Variants in FSTL4 observed in about 807,000 individuals in gnomAD.
FSTL4 encodes the protein follistatin like 4, also known as follistatin-related protein 4.
A neutral mutation model predicts 78.2 loss-of-function variants in FSTL4; 28 were observed. The ratio of observed to expected loss-of-function variants is 0.36; its 90% CI spans 0.27 to 0.49. The LOEUF is 0.49. Ranked by LOEUF, FSTL4 falls within the 20% of genes least tolerant of loss-of-function variation. The pLI is 0.98. For synonymous variants in FSTL4, 422 were observed against 440.5 expected (o/e 0.96, Z 0.53); for missense variants, 922 against 1,084.9 (o/e 0.85, Z 2.11).
the FSTL4 span, among the ~76,000 whole-genome samples, chr5:133,632,203 A>G: frequency 2.6e-5 from 4 of 152,144 alleles, no homozygotes; most frequent in African/African-American, 9.7e-5. Context: ...CTAGTTTTAT[A>G]ATTTCACCAG....
the FSTL4 span, among the ~76,000 whole-genome samples, chr5:133,701,509 A>ACACACACACACACACACCC: frequency 7.5e-6 from 1 of 132,624 alleles, no homozygotes; most frequent in Non-Finnish European, 1.6e-5. Context: ...ACACACACAC[A>ACACACACACACACACACCC]CCCCACAGGC....
chr5:133,464,323 C>T (rs1757656607), intron 3 of FSTL4, among the ~76,000 whole-genome samples: 1 of 152,220 alleles, frequency 6.6e-6, no homozygotes, highest in South Asian at 2.1e-4. Context: ...AGAACAAAAT[C>T]ACTCTTCATT....
chr5:133,839,043 C>T, the FSTL4 span, among the ~76,000 whole-genome samples: 79 of 152,324 alleles, frequency 5.2e-4, no homozygotes, highest in Non-Finnish European at 9.7e-4. Context: ...ATCCCCTCTC[C>T]GATAACTCGG....
In FSTL4 at chr5:133,225,076, C is replaced by T. The variant is rs768928025; in HGVS notation, c.1312+74G>A. The T allele has an allele frequency of 3.2e-6, 5 of 1,557,864 alleles. No homozygotes were observed. The highest frequency in any genetic ancestry group is 4.4e-6 in the Non-Finnish European group (5 of 1,132,294). ...CATGGTTGGCAGCTGTGGCCCTGGT[C>T]AATTGGTGCCCTCCCTTGCCACCCA... On this transcript the variant is annotated intron_variant, in intron 10 of 15. Coordinates refer to ENST00000265342, the MANE Select transcript of FSTL4 (RefSeq NM_015082.2). The surrounding 1 kb of genome is among the most constrained non-coding windows in gnomAD (Gnocchi z 4.6).
chr5:133,247,862 A>T (rs1752088941), intron 7 of FSTL4: 1 of 152,428 alleles, frequency 6.6e-6, no homozygotes, highest in Non-Finnish European at 1.5e-5. Flanking sequence ...TAGAACCTCC[A>T]GAGTGGCCCC....
chr5:133,613,536 G>A (rs998627426), upstream of FSTL4, among the ~76,000 whole-genome samples: 4 of 152,222 alleles, frequency 2.6e-5, no homozygotes, highest in Non-Finnish European at 5.9e-5. Flanking sequence ...AGGCTGACCT[G>A]AAGAAAGAGA....
intron 3 of FSTL4, among the ~76,000 whole-genome samples, chr5:133,495,131 C>T (rs761052195): frequency 6.6e-6 from 1 of 152,232 alleles, no homozygotes; most frequent in Non-Finnish European, 1.5e-5. Context: ...GATCCACACA[C>T]ATGCTAGCCC....
the FSTL4 span, among the ~76,000 whole-genome samples, chr5:133,832,153 TC>T: frequency 3.9e-5 from 6 of 152,240 alleles, no homozygotes; most frequent in Non-Finnish European, 8.8e-5. Flanking sequence ...GGAAGCAGTG[TC>T]AGCCTTGCGA....
At chr5:133,590,486 T>A (rs902356035) in intron 2 of FSTL4, among the ~76,000 whole-genome samples, 1 of 152,224 alleles carries the variant, frequency 6.6e-6, no homozygotes, top group Non-Finnish European at 1.5e-5. Flanking sequence ...ACTATTTTGC[T>A]TGCTGGATTT....
At chr5:133,284,510 C>A (rs549341379) in intron 6 of FSTL4, among the ~76,000 whole-genome samples, 57 of 152,338 alleles carry the variant, frequency 3.7e-4, no homozygotes, top group Admixed American at 3.6e-3. Flanking sequence ...TGAGCAGTGC[C>A]TGCCCGGGCA....
At chr5:133,306,410 G>T (rs558705422) in intron 6 of FSTL4, among the ~76,000 whole-genome samples, 1 of 152,350 alleles carries the variant, frequency 6.6e-6, no homozygotes, top group Non-Finnish European at 1.5e-5. Context: ...TGGCCAGTTA[G>T]CGGCCCTCTG....
At chr5:133,664,489 G>A in the FSTL4 span, among the ~76,000 whole-genome samples, 37 of 152,184 alleles carry the variant, frequency 2.4e-4, no homozygotes, top group African/African-American at 8.7e-4. Context: ...TGAGTCAGAA[G>A]CAAAGCTCTG....
At chr5:133,739,292 T>TC in the FSTL4 span, among the ~76,000 whole-genome samples, 4 of 151,728 alleles carry the variant, frequency 2.6e-5, no homozygotes, top group East Asian at 7.7e-4. Context: ...TTTTTCTTTT[T>TC]TTTTTTTTTT....
chr5:133,657,523 G>C, the FSTL4 span, among the ~76,000 whole-genome samples: 1 of 152,066 alleles, frequency 6.6e-6, no homozygotes, highest in Non-Finnish European at 1.5e-5. Flanking sequence ...CTCTTCTCTA[G>C]TTTTGTTATT....
At chr5:133,371,609 G>A (rs373576741) in intron 4 of FSTL4, among the ~76,000 whole-genome samples, 7 of 152,188 alleles carry the variant, frequency 4.6e-5, no homozygotes, top group South Asian at 2.1e-4. Context: ...AAAGTAATGC[G>A]GAATGTGTCA....
the FSTL4 span, among the ~76,000 whole-genome samples, chr5:133,742,805 G>A: frequency 1.3e-5 from 2 of 152,180 alleles, no homozygotes; most frequent in Non-Finnish European, 2.9e-5. Flanking sequence ...TGGTGTCCCT[G>A]AAGGAACAAG....
the FSTL4 span, among the ~76,000 whole-genome samples, chr5:133,793,219 A>G: frequency 2.6e-5 from 4 of 152,172 alleles, no homozygotes; most frequent in Admixed American, 2.6e-4. Flanking sequence ...AACAGAATAG[A>G]CAGATCCCAA....
intron 6 of FSTL4, among the ~76,000 whole-genome samples, chr5:133,284,467 A>T (rs1278158233): frequency 6.6e-6 from 1 of 152,222 alleles, no homozygotes; most frequent in Non-Finnish European, 1.5e-5. Context: ...GGCAGAGGGC[A>T]GCAGTAGTTT....
chr5:133,503,875 G>A (rs552954243), intron 3 of FSTL4, among the ~76,000 whole-genome samples: 14 of 152,324 alleles, frequency 9.2e-5, no homozygotes, highest in Admixed American at 7.8e-4. Flanking sequence ...AAGGAAAGAG[G>A]TTTAATTGAC....
Sources: allele counts gnomAD v4.1 joint callset (sites outside exome capture counted in the v4.1 genomes callset), GRCh38; gene constraint gnomAD v4.1.1; non-coding constraint Gnocchi (gnomAD v3.1); transcripts MANE v1.5; gene names NCBI Gene and HGNC (gene_info 2026-07-23, HGNC 2026-07-21).